The following SHROOM2 variants were observed in gnomAD, a reference collection of about 807,000 sequenced individuals.
SHROOM2 encodes the protein protein Shroom2.
Under a neutral mutation model 75.9 loss-of-function variants are expected in SHROOM2, and 33 were observed. The ratio of observed to expected loss-of-function variants is 0.43; its 90% CI spans 0.33 to 0.58. The LOEUF (loss-of-function observed/expected upper bound fraction) is 0.58. Among genes scored for constraint, SHROOM2 ranks in the 20% least tolerant of loss-of-function variants. The pLI, the probability that SHROOM2 is intolerant of heterozygous loss-of-function variation, is 0.04. For missense variants in SHROOM2, 1,434 were observed against 1,461.2 expected (o/e 0.98, Z 0.30); for synonymous variants, 655 against 663.6 (o/e 0.99, Z 0.20).
At chrX:9,808,555 T>C (rs937573118) in intron 1 of SHROOM2, among the ~76,000 whole-genome samples, 1 of 109,339 alleles carries the variant, frequency 9.1e-6, no homozygotes, top group African/African-American at 3.3e-5. Context: ...TCTCAAAAAA[T>C]TTTTTTAAAA....
chrX:9,835,429 T>C (rs61561585), intron 1 of SHROOM2, among the ~76,000 whole-genome samples: 126 of 112,523 alleles, frequency 1.1e-3, no homozygotes, highest in African/African-American at 3.9e-3. Flanking sequence ...CACATTAGAA[T>C]GCAGGGCAAT....
intron 1 of SHROOM2, among the ~76,000 whole-genome samples, chrX:9,816,917 G>T (rs1428742578): frequency 9.0e-6 from 1 of 111,720 alleles, no homozygotes; most frequent in Non-Finnish European, 1.9e-5. Context: ...GGGGACATTG[G>T]CAGTATCTTC....
intron 6 of SHROOM2, 76 bp downstream of exon 6, chrX:9,932,946 G>C (rs937339739): frequency 3.4e-6 from 3 of 874,017 alleles, no homozygotes; most frequent in Non-Finnish European, 4.7e-6. Flanking sequence ...GTCTTTCTGG[G>C]GAGTCACCTG....
At chrX:9,930,766 G>C (rs1051466103) in intron 5 of SHROOM2, among the ~76,000 whole-genome samples, 1 of 110,212 alleles carries the variant, frequency 9.1e-6, no homozygotes, top group East Asian at 2.9e-4. Context: ...TTTTTGAGAC[G>C]GAGTCTTGCT....
rs137866742 is a variant in SHROOM2 at position 9,895,434 on chromosome X, C to T, written c.1526C>T (p.Pro509Leu). Residue 509 changes from proline to leucine, a missense_variant, in exon 4 of 10, where the codon CCA (proline) becomes CTA (leucine). Coordinates refer to ENST00000380913, the MANE Select transcript of SHROOM2 (RefSeq NM_001649.4). ...TALGALESLP[P>L]PTVGQSPRHH... Reference sequence around the variant, plus strand: ...CTTGGAGCCCTCGAGAGTCTTCCCCCACCCACGGTGGGCCAGAGCCCACGC... The same window carrying T: ...CTTGGAGCCCTCGAGAGTCTTCCCCTACCCACGGTGGGCCAGAGCCCACGC... 3 of 1,209,260 alleles carry T rather than the reference C, an allele frequency of 2.5e-6. No homozygotes were observed. The highest frequency in any genetic ancestry group is 3.0e-5 in the East Asian group (1 of 33,691).
chrX:9,882,178 CTTTT>C (rs386416608), intron 2 of SHROOM2, among the ~76,000 whole-genome samples: 1 of 71,043 alleles, frequency 1.4e-5, no homozygotes, highest in Non-Finnish European at 2.5e-5. Context: ...TCCCTTGTTG[CTTTT>C]TTTTTTTTTT....
Position 9,932,475 on chromosome X carries a change from G to A in SHROOM2, c.3192G>A (p.Arg1064=), listed in dbSNP as rs200123909. Residue 1064 remains arginine, a synonymous_variant, in exon 6 of 10, where the codon AGG becomes AGA. Coordinates refer to ENST00000380913, the MANE Select transcript of SHROOM2 (RefSeq NM_001649.4). ...ALLSKRPAPQ[R]PPPPKREPRR... ...TCTCCAAGAGGCCAGCCCCACAGAG[G>A]CCACCGCCACCCAAGCGCGAGCCCA... 1.7e-6 allele frequency: 2 copies of A among 1,206,156 alleles called. No homozygotes were observed. The highest frequency in any genetic ancestry group is 2.2e-6 in the Non-Finnish European group (2 of 892,855).
Position 9,911,814 on chromosome X carries a change from T to A in SHROOM2, c.2891+13524T>A, listed in dbSNP as rs1176899179. On this transcript the variant is annotated intron_variant, in intron 5 of 9. Transcript: ENST00000380913. ...AATATATGGACATAGAATAGGCTGT[T>A]GAATGTTTTCTTTTTCCTCCTTATG... Among the ~76,000 whole-genome samples, 3 of 111,391 alleles carry A rather than the reference T, an allele frequency of 2.7e-5. No homozygotes were observed. In the Admixed American group the frequency reaches 2.9e-4, roughly 11 times the overall value.
intron 1 of SHROOM2, among the ~76,000 whole-genome samples, chrX:9,825,910 G>A (rs1431731604): frequency 8.9e-6 from 1 of 112,260 alleles, no homozygotes; most frequent in African/African-American, 3.2e-5. Context: ...AGCCTGCTGT[G>A]CTTCTGGGCA....
At chrX:9,859,088 T>C (rs2084088694) in intron 1 of SHROOM2, among the ~76,000 whole-genome samples, 1 of 110,350 alleles carries the variant, frequency 9.1e-6, no homozygotes, top group Non-Finnish European at 1.9e-5. Flanking sequence ...GTGGCAAGCA[T>C]CTGTAATCTC....
intron 5 of SHROOM2, among the ~76,000 whole-genome samples, chrX:9,914,127 G>GA (rs1292603978): frequency 2.3e-5 from 2 of 86,380 alleles, no homozygotes; most frequent in East Asian, 4.3e-4. Context: ...ACCTCTTAAG[G>GA]AAAAAAATTG....
At chrX:9,859,078 G>A (rs1476439872) in intron 1 of SHROOM2, among the ~76,000 whole-genome samples, 1 of 111,131 alleles carries the variant, frequency 9.0e-6, no homozygotes, top group Non-Finnish European at 1.9e-5. Context: ...GCTGGGCGTG[G>A]TGGCAAGCAT....
At chrX:9,792,054 T>C (rs1476074570) in intron 1 of SHROOM2, among the ~76,000 whole-genome samples, 1 of 27,410 alleles carries the variant, frequency 3.6e-5, no homozygotes, top group South Asian at 2.9e-3. Context: ...TAGAATAGAA[T>C]AGAATAGAAT....
chrX:9,839,495 A>G lies in SHROOM2; in HGVS notation c.166-34157A>G, dbSNP rs896394728. Among the ~76,000 whole-genome samples, 13 of 111,427 alleles carry G rather than the reference A, an allele frequency of 1.2e-4. 1 individual carries two copies. The highest frequency in any genetic ancestry group is 5.8e-4 in the Admixed American group (6 of 10,427). On this transcript the variant is annotated intron_variant, in intron 1 of 9. Coordinates refer to ENST00000380913, the MANE Select transcript of SHROOM2 (RefSeq NM_001649.4). ...GCAAACCACACACCCGAAACATCAC[A>G]CATGCGCCCCCTTGCCATCTTCTTT...
Position 9,937,540 on chromosome X carries a change from G to A in SHROOM2, c.3994G>A (p.Asp1332Asn), listed in dbSNP as rs138215112. ...CGTGGGGAAGGATAAGTCCCTGGCC[G>A]ACATCCTGGATCCCAGTGTGAAGAT... ...EIVGKDKSLA[D>N]ILDPSVKIKT... Residue 1332 changes from aspartate (D) to asparagine (N), a missense_variant, in exon 7 of 10, where the codon GAC becomes AAC. Coordinates refer to ENST00000380913, the MANE Select transcript of SHROOM2 (RefSeq NM_001649.4). The A allele has an allele frequency of 9.1e-6, 11 of 1,210,198 alleles. No individual in the cohort carries two copies. The African/African-American group carries it at 1.0e-4, about 12-fold the overall frequency.
intron 5 of SHROOM2, among the ~76,000 whole-genome samples, chrX:9,915,248 C>G (rs1029389320): frequency 9.0e-6 from 1 of 111,708 alleles, no homozygotes; most frequent in Non-Finnish European, 1.9e-5. Context: ...GCCAGGGACT[C>G]AAATTTCCCT....
At position 9,863,784 on chromosome X, in the gene SHROOM2, C is replaced by G. The variant is rs140833214; in HGVS notation, c.166-9868C>G. On this transcript the variant is annotated intron_variant, in intron 1 of 9. Transcript: ENST00000380913. ...TTTTTTGTATTGTATTATCATTTTT[C>G]TTGCTTTCTTACTAATTTTGTCAAC... is the stretch of plus-strand genomic sequence containing the variant. Among the ~76,000 whole-genome samples the G allele has an allele frequency of 5.8e-3, 643 of 110,123 alleles. 2 individuals carry two copies. The highest frequency in any genetic ancestry group is 7.6e-3 in the Non-Finnish European group (403 of 52,762).
chrX:9,913,876 G>A (rs751074297), intron 5 of SHROOM2, among the ~76,000 whole-genome samples: 2 of 111,494 alleles, frequency 1.8e-5, no homozygotes, highest in Non-Finnish European at 3.8e-5. Context: ...ATGAATGGTT[G>A]GCATATTTCT....
rs183959459 is a variant in SHROOM2 at position 9,808,534 on chromosome X, G to C, written c.165+21824G>C. On this transcript the variant is annotated intron_variant, in intron 1 of 9. Transcript: ENST00000380913. The stretch of plus-strand genomic sequence containing the variant: ...ACTGTACTCCAGCCTAGGTGACAGA[G>C]TGAGACCCTGTCTCAAAAAATTTTT... Among the ~76,000 whole-genome samples, 19 of 110,513 alleles carry C rather than the reference G, an allele frequency of 1.7e-4. No homozygotes were observed. The East Asian group carries it at 4.5e-3, about 26-fold the overall frequency.
Sources: allele counts gnomAD v4.1 joint callset (sites outside exome capture counted in the v4.1 genomes callset), GRCh38; gene constraint gnomAD v4.1.1; transcripts MANE v1.5; gene names NCBI Gene and HGNC (gene_info 2026-07-23, HGNC 2026-07-21).